TECPR2: variants seen among roughly 807,000 people sequenced by gnomAD.
TECPR2 encodes tectonin beta-propeller repeat-containing protein 2.
TECPR2 carries 65 observed loss-of-function variants against 138.1 expected under a neutral mutation model. That is an observed-to-expected ratio of 0.47 (90% CI 0.39 to 0.58). TECPR2 has a LOEUF of 0.58. TECPR2 is among the 20% of genes least tolerant of loss of function. The probability of loss-of-function intolerance (pLI) is 0.00; values close to 1 mark genes in which losing one functional copy is unlikely to be tolerated. For synonymous variants in TECPR2, 746 were observed against 749.8 expected (o/e 0.99, Z 0.08); for missense variants, 1,553 against 1,824.5 (o/e 0.85, Z 2.71).
Position 102,467,417 on chromosome 14 carries a change from C to T in TECPR2, c.3789+2128C>T, listed in dbSNP as rs10133090. 4.5e-3 allele frequency among the ~76,000 whole-genome samples: 680 copies of T among 151,254 alleles called. 8 individuals carry two copies. The highest frequency in any genetic ancestry group is 0.016 in the African/African-American group (641 of 41,108). ...TTGGCTCACTACAACCTCCGCCTAC[C>T]GGGTTCAAGCAATTATCCTGCCTCA... On this transcript the variant is annotated intron_variant, in intron 17 of 19. Coordinates refer to ENST00000359520, the MANE Select transcript of TECPR2 (RefSeq NM_014844.5).
chr14:102,488,723 G>A (rs1010793775), intron 17 of TECPR2, among the ~76,000 whole-genome samples: 1 of 151,754 alleles, frequency 6.6e-6, no homozygotes, highest in Non-Finnish European at 1.5e-5. Context: ...CCAGTTCACA[G>A]CAATGGTAAC....
intron 2 of TECPR2, among the ~76,000 whole-genome samples, chr14:102,401,157 G>T (rs890009017): frequency 1.3e-5 from 2 of 151,452 alleles, no homozygotes; most frequent in Admixed American, 6.6e-5. Context: ...AACCAATCTG[G>T]GCTGGACGCA....
chr14:102,377,726 A>G (rs898287442), intron 2 of TECPR2, among the ~76,000 whole-genome samples: 13 of 152,298 alleles, frequency 8.5e-5, no homozygotes, highest in African/African-American at 2.4e-4. Flanking sequence ...AAGAAAGAAA[A>G]AAAGAGAACA....
intron 7 of TECPR2, among the ~76,000 whole-genome samples, chr14:102,429,142 C>G (rs761759833): frequency 6.6e-6 from 1 of 152,132 alleles, no homozygotes; most frequent in Non-Finnish European, 1.5e-5. Context: ...CCACTGTGCC[C>G]GGCCGCTCCT....
chr14:102,452,512 C>G lies in TECPR2; in HGVS notation c.3525C>G (p.Ala1175=), dbSNP rs559134152. ...LPPEAEMRAY[A]ACQDALWALD... ...CCGAAGCCGAGATGCGCGCCTATGC[C>G]GCCTGCCAGGATGCGCTGTGGGCGC... The change falls in exon 16 of 20, where the codon GCC becomes GCG. Residue 1175 remains alanine, a synonymous_variant. Transcript: ENST00000359520. 6.2e-7 allele frequency: 1 copy of G among 1,612,640 alleles called. No homozygotes were observed. Among genetic ancestry groups the G allele is most frequent in the African/African-American group, 1.3e-5 (1 of 74,940 alleles).
chr14:102,462,144 G>C (rs975144460), intron 16 of TECPR2, among the ~76,000 whole-genome samples: 4 of 152,196 alleles, frequency 2.6e-5, no homozygotes, highest in African/African-American at 9.7e-5. Context: ...TGAGATGCTG[G>C]CCTGGTGTGT....
intron 17 of TECPR2, among the ~76,000 whole-genome samples, chr14:102,470,677 T>C (rs974328431): frequency 1.7e-4 from 26 of 150,956 alleles, no homozygotes; most frequent in Non-Finnish European, 2.2e-4. Context: ...TTTGCTCTTG[T>C]TGCCCAGACT....
intron 9 of TECPR2, among the ~76,000 whole-genome samples, chr14:102,436,556 G>A (rs1164270393): frequency 6.6e-6 from 1 of 152,192 alleles, no homozygotes. Flanking sequence ...CTGAGCTCAA[G>A]CAATCTGCCT....
intron 19 of TECPR2, 101 bp downstream of exon 19, chr14:102,497,820 CA>C: frequency 7.2e-7 from 1 of 1,394,510 alleles, no homozygotes; most frequent in Non-Finnish European, 9.5e-7. Flanking sequence ...CACTGGGCTC[CA>C]ATCTCTCAAA....
intron 17 of TECPR2, among the ~76,000 whole-genome samples, chr14:102,486,786 G>A (rs1365269962): frequency 2.0e-5 from 3 of 152,234 alleles, no homozygotes; most frequent in African/African-American, 7.2e-5. Context: ...CTCCTAGTGT[G>A]TCAGCCCTGG....
At position 102,501,222 on chromosome 14, in the gene TECPR2, G is replaced by A. The variant is rs1278459392; in HGVS notation, c.*2965G>A. The A allele has an allele frequency of 2.0e-5, 3 of 152,208 alleles. No homozygotes were observed. The highest frequency in any genetic ancestry group is 2.0e-4 in the Admixed American group (3 of 15,276). The allele number at this position is 152,208 out of a possible 1,614,324, so 9.4% of individuals were successfully genotyped here. ...CATGGGGGGTGTCACAACTAATGTGGCCACTGCTTCATTCTCTGGGCAAAA... is the reference window on the plus strand; with the variant it reads ...CATGGGGGGTGTCACAACTAATGTGACCACTGCTTCATTCTCTGGGCAAAA... On this transcript the variant is annotated 3_prime_UTR_variant, in exon 20 of 20. Coordinates refer to ENST00000359520, the MANE Select transcript of TECPR2 (RefSeq NM_014844.5).
chr14:102,407,061 T>C (rs1191983772), intron 2 of TECPR2, among the ~76,000 whole-genome samples: 1 of 152,226 alleles, frequency 6.6e-6, no homozygotes, highest in Non-Finnish European at 1.5e-5. Context: ...GGTTTCGCCA[T>C]GTTGGCCAGG....
intron 5 of TECPR2, among the ~76,000 whole-genome samples, chr14:102,424,228 G>A (rs1889256324): frequency 6.6e-6 from 1 of 152,160 alleles, no homozygotes; most frequent in South Asian, 2.1e-4. Flanking sequence ...TAGCACAACG[G>A]TAAGTAATTG....
intron 16 of TECPR2, among the ~76,000 whole-genome samples, chr14:102,459,700 G>A (rs111497640): frequency 7.2e-5 from 11 of 152,120 alleles, no homozygotes; most frequent in African/African-American, 2.6e-4. Flanking sequence ...CCCGGGAGGT[G>A]GAGGTTACAA....
rs557392212 is a variant in TECPR2, at chr14:102,448,611, A to G, written c.3076-1018A>G. ...CCTTGCATGGTGGCTCACACCTGTA[A>G]TCCCAGCACTTTGGGAGGCCTGGGC... On this transcript the variant is annotated intron_variant, in intron 13 of 19. Coordinates refer to ENST00000359520, the MANE Select transcript of TECPR2 (RefSeq NM_014844.5). Among the ~76,000 whole-genome samples the G allele has an allele frequency of 4.6e-5, 7 of 152,236 alleles. 1 individual carries two copies. The highest frequency in any genetic ancestry group is 1.7e-4 in the African/African-American group (7 of 41,552).
chr14:102,501,135 A>C lies in TECPR2; in HGVS notation c.*2878A>C, dbSNP rs1891426382. On this transcript the variant is annotated 3_prime_UTR_variant, in exon 20 of 20. Coordinates refer to ENST00000359520, the MANE Select transcript of TECPR2 (RefSeq NM_014844.5). The stretch of plus-strand genomic sequence containing the variant: ...GCCAGGCAACAGGCTAGCAAGGCCC[A>C]CAGGGAGGGAGCAGAATGGAGAGGG... 1 of 152,276 alleles carries C rather than the reference A, an allele frequency of 6.6e-6. No homozygotes were observed. The highest frequency in any genetic ancestry group is 1.5e-5 in the Non-Finnish European group (1 of 68,074). 9.4% of individuals were successfully genotyped at this position (152,276 alleles called of 1,614,324 possible). A position where few individuals can be genotyped will look rare whatever the true frequency, so the allele number is the denominator to read the frequency against.
intron 13 of TECPR2, among the ~76,000 whole-genome samples, chr14:102,447,392 A>G (rs1166380311): frequency 2.0e-5 from 3 of 152,088 alleles, no homozygotes; most frequent in African/African-American, 7.2e-5. Flanking sequence ...TACAGGTGTG[A>G]ACCACCACCC....
intron 4 of TECPR2, among the ~76,000 whole-genome samples, chr14:102,414,301 C>T (rs1211289619): frequency 1.3e-5 from 2 of 152,196 alleles, no homozygotes; most frequent in Non-Finnish European, 2.9e-5. Context: ...TTTGAACTCT[C>T]TGCATGTTTA....
chr14:102,484,565 A>G (rs1366812262), intron 17 of TECPR2, among the ~76,000 whole-genome samples: 1 of 152,020 alleles, frequency 6.6e-6, no homozygotes, highest in East Asian at 1.9e-4. Flanking sequence ...TTAGCCTTCC[A>G]GGGCCCGCTG....
Sources: gnomAD v4.1 joint callset for allele counts (sites outside exome capture counted in the v4.1 genomes callset) on GRCh38, gnomAD v4.1.1 for gene constraint, MANE v1.5 for transcripts, NCBI Gene and HGNC (gene_info 2026-07-23, HGNC 2026-07-21) for gene names.